MINDY4B: variants seen among roughly 807,000 people sequenced by gnomAD.
MINDY4B encodes the protein MINDY family member 4B, also known as inactive ubiquitin carboxyl-terminal hydrolase MINDY-4B.
In MINDY4B, 25 loss-of-function variants were observed where a neutral mutation model predicts 16.7. That is an observed-to-expected ratio of 1.49 (90% confidence interval 1.09 to 2.09). The LOEUF (loss-of-function observed/expected upper bound fraction) is 2.09. MINDY4B is among the 30% of genes most tolerant of loss of function. The pLI, the probability that MINDY4B is intolerant of heterozygous loss-of-function variation, is 0.00. For missense variants in MINDY4B, 327 were observed against 168.4 expected (o/e 1.94, Z -5.21); for synonymous variants, 132 against 61.9 (o/e 2.13, Z -5.32).
chr3:150,876,952 T>C (rs986641274), intron 10 of MINDY4B, among the ~76,000 whole-genome samples: 8 of 152,212 alleles, frequency 5.3e-5, no homozygotes, highest in East Asian at 3.9e-4. Context: ...GGCTTCAAAA[T>C]AGTGCCTCAT....
intron 3 of MINDY4B, among the ~76,000 whole-genome samples, chr3:150,896,283 C>T (rs1353870987): frequency 4.0e-5 from 6 of 151,822 alleles, no homozygotes; most frequent in African/African-American, 1.2e-4. Flanking sequence ...TTCTTATATC[C>T]TTTTTTGGAT....
At chr3:150,889,443 C>T (rs774515780) in intron 7 of MINDY4B, among the ~76,000 whole-genome samples, 4 of 152,182 alleles carry the variant, frequency 2.6e-5, no homozygotes, top group Non-Finnish European at 4.4e-5. Context: ...CTTGTGATTC[C>T]ACCGGGCCCA....
intron 7 of MINDY4B, among the ~76,000 whole-genome samples, chr3:150,888,428 T>C (rs1711687134): frequency 6.6e-6 from 1 of 151,974 alleles, no homozygotes; most frequent in Non-Finnish European, 1.5e-5. Flanking sequence ...ACATATCATT[T>C]TGGAGGGACA....
chr3:150,904,855 C>A (rs1712201922), intron 2 of MINDY4B, among the ~76,000 whole-genome samples: 1 of 152,132 alleles, frequency 6.6e-6, no homozygotes, highest in Non-Finnish European at 1.5e-5. Context: ...ATGATACAAA[C>A]ATAGCTCTTA....
At chr3:150,877,951 G>C (rs1464730296) in intron 10 of MINDY4B, among the ~76,000 whole-genome samples, 1 of 152,170 alleles carries the variant, frequency 6.6e-6, no homozygotes, top group African/African-American at 2.4e-5. Flanking sequence ...CCAGTGGACA[G>C]AATGTGATCA....
chr3:150,879,953 G>A (rs1167980494), intron 10 of MINDY4B, among the ~76,000 whole-genome samples: 1 of 152,204 alleles, frequency 6.6e-6, no homozygotes, highest in Admixed American at 6.5e-5. Flanking sequence ...GCATTTAGCT[G>A]TGCTGAATGA....
At chr3:150,891,149 A>C (rs1576613305) in intron 5 of MINDY4B, 46 bp from the exon 6 acceptor site, 14 of 672,210 alleles carry the variant, frequency 2.1e-5, no homozygotes, top group Admixed American at 4.1e-5. Context: ...AATGAACATC[A>C]CCTAGCCACA....
At chr3:150,874,221 G>T (rs1046609039) in intron 10 of MINDY4B, among the ~76,000 whole-genome samples, 1 of 151,996 alleles carries the variant, frequency 6.6e-6, no homozygotes, top group Admixed American at 6.6e-5. Context: ...TTGCCATGTG[G>T]CCCAGGCTGG....
rs1322021286 is a variant in MINDY4B at position 150,903,385 on chromosome 3, T to G, written c.173A>C (p.Glu58Ala). ...AGATAGTCCTGTTCCATCTTCATTT[T>G]CATCAGCAGATGTATGGTTGCCTTC... ...NHEGNHTSAD[E>A]NEDGTGLSQP... Residue 58 changes from glutamate (E) to alanine (A), a missense_variant, in exon 3 of 12, where the codon GAA becomes GCA. Coordinates refer to ENST00000465419, the MANE Select transcript of MINDY4B (RefSeq NM_001351281.2). 3 of 398,458 alleles carry G rather than the reference T, an allele frequency of 7.5e-6. No homozygotes were observed. Among genetic ancestry groups the G allele is most frequent in the Non-Finnish European group, 8.8e-6 (2 of 226,026 alleles). 24.7% of individuals were successfully genotyped at this position (398,458 alleles called of 1,614,324 possible). A position where few individuals can be genotyped will look rare whatever the true frequency, so the allele number is the denominator to read the frequency against.
chr3:150,878,027 TA>T (rs908931166), intron 10 of MINDY4B, among the ~76,000 whole-genome samples: 40 of 152,220 alleles, frequency 2.6e-4, no homozygotes, highest in African/African-American at 9.6e-4. Flanking sequence ...TAGCTTTGGG[TA>T]AGTCCCCATA....
At position 150,870,807 on chromosome 3, in the gene MINDY4B, A is replaced by G. The variant is rs1415932015; in HGVS notation, c.*238T>C. On this transcript the variant is annotated 3_prime_UTR_variant, in exon 12 of 12. Transcript: ENST00000465419. Reference sequence around the variant, plus strand: ...TAAAAGAAAGAAACCAGTCTATGTGACTACGGAGGAGGCACCATGCAGGCC... The same window carrying G: ...TAAAAGAAAGAAACCAGTCTATGTGGCTACGGAGGAGGCACCATGCAGGCC... 6.6e-6 allele frequency among the ~76,000 whole-genome samples: 1 copy of G among 152,238 alleles called. No homozygotes were observed. The highest frequency in any genetic ancestry group is 1.9e-4 in the East Asian group (1 of 5,206).
rs1576613323 is a variant in MINDY4B at position 150,891,261 on chromosome 3, A to G, written c.522-158T>C. On this transcript the variant is annotated intron_variant, in intron 5 of 11. Transcript: ENST00000465419. ...TCCAAAGTTCCTGCCCTTGACTTTT[A>G]TACTGCATTGAATACACTCAGGGTC... 30 of 599,698 alleles carry G rather than the reference A, an allele frequency of 5.0e-5. No individual in the cohort carries two copies. In the South Asian group the frequency reaches 5.6e-4, roughly 11 times the overall value. The allele number at this position is 599,698 out of a possible 1,614,324, so 37.1% of individuals were successfully genotyped here. A position where few individuals can be genotyped will look rare whatever the true frequency, so the allele number is the denominator to read the frequency against.
rs181157332 is a variant in MINDY4B, at chr3:150,893,497, C to T, written c.430-82G>A. On this transcript the variant is annotated intron_variant, in intron 4 of 11. Coordinates refer to ENST00000465419, the MANE Select transcript of MINDY4B (RefSeq NM_001351281.2). Reference sequence around the variant, plus strand: ...ATTCTTCTCTGCAGGCTTTTCCCTCCTGGTATCCCCCAGAGCTTTGTGAAG... The same window carrying T: ...ATTCTTCTCTGCAGGCTTTTCCCTCTTGGTATCCCCCAGAGCTTTGTGAAG... The T allele has an allele frequency of 2.6e-4, 179 of 698,928 alleles. No homozygotes were observed. In the African/African-American group the frequency reaches 2.9e-3, roughly 11 times the overall value. 43.3% of individuals were successfully genotyped at this position (698,928 alleles called of 1,614,324 possible).
At position 150,873,359 on chromosome 3, in the gene MINDY4B, G is replaced by C. The variant is rs1314438769; in HGVS notation, c.1068C>G (p.Ser356Arg). 1.4e-6 allele frequency: 1 copy of C among 702,426 alleles called. No homozygotes were observed. The highest frequency in any genetic ancestry group is 2.7e-5 in the East Asian group (1 of 37,286). The allele number at this position is 702,426 out of a possible 1,614,324, so 43.5% of individuals were successfully genotyped here. Residue 356 changes from serine to arginine, a missense_variant, in exon 11 of 12, where the codon AGC becomes AGG. Transcript: ENST00000465419. ...TAGGTAATTTGGGAGTCTTCAGCAT[G>C]CTGCCCACCTGGAAAGGGGAAGGGG... ...SEDDRLSQVG[S>R]MLKTPKLPIW... is the part of the protein sequence containing the mutation.
At chr3:150,893,530 A>G in intron 4 of MINDY4B, 115 bp from the exon 5 acceptor site, 1 of 677,398 alleles carries the variant, frequency 1.5e-6, no homozygotes, top group South Asian at 1.6e-5. Context: ...AAGGGACACC[A>G]TGCTATATTT....
In MINDY4B at chr3:150,873,306, T is replaced by C; in HGVS notation, c.1121A>G (p.Tyr374Cys). The C allele has an allele frequency of 4.3e-6, 3 of 702,872 alleles. No homozygotes were observed. Among genetic ancestry groups the C allele is most frequent in the Non-Finnish European group, 7.8e-6 (3 of 384,842 alleles). 43.5% of individuals were successfully genotyped at this position (702,872 alleles called of 1,614,324 possible). ...CCTGTTTGTGCAAAAAAGGATGCTG[T>C]AATTTCCATTGATGTTGCACAGCCA... The part of the protein sequence containing the change: ...PIWLCNINGN[Y>C]SILFCTNRQL... Residue 374 changes from tyrosine to cysteine, a missense_variant, in exon 11 of 12, where the codon TAC (tyrosine) becomes TGC (cysteine). Tyr to Cys is a radical substitution (Grantham distance 194). Coordinates refer to ENST00000465419, the MANE Select transcript of MINDY4B (RefSeq NM_001351281.2).
chr3:150,877,741 C>T (rs1296271868), intron 10 of MINDY4B, among the ~76,000 whole-genome samples: 1 of 152,250 alleles, frequency 6.6e-6, no homozygotes, highest in African/African-American at 2.4e-5. Flanking sequence ...TTGAGCACAA[C>T]TGTCATGCTG....
chr3:150,883,559 TCTTTA>T, intron 9 of MINDY4B, 136 bp downstream of exon 9: 1 of 613,738 alleles, frequency 1.6e-6, no homozygotes, highest in Non-Finnish European at 2.9e-6. Context: ...ACCGGATTGC[TCTTTA>T]CTTAAGGAGA....
chr3:150,898,305 G>A (rs186918066), intron 3 of MINDY4B, among the ~76,000 whole-genome samples: 6 of 152,346 alleles, frequency 3.9e-5, no homozygotes, highest in African/African-American at 7.2e-5. Context: ...GATTAAGACC[G>A]TTGAGACTAA....
Sources: gnomAD v4.1 joint callset for allele counts (sites outside exome capture counted in the v4.1 genomes callset) on GRCh38, gnomAD v4.1.1 for gene constraint, MANE v1.5 for transcripts, NCBI Gene and HGNC (gene_info 2026-07-23, HGNC 2026-07-21) for gene names.